Variants in MKLN1 observed in about 807,000 individuals in gnomAD.
The protein encoded by MKLN1 is muskelin 1, also known as muskelin.
In MKLN1, 18 loss-of-function variants were observed where a neutral mutation model predicts 99.0. The observed-to-expected ratio is 0.18, with a 90% confidence interval of 0.13 to 0.27. The LOEUF is 0.27. MKLN1 is among the 10% of genes least tolerant of loss of function. The pLI is 1.00. For synonymous variants in MKLN1, 288 were observed against 293.2 expected, an observed-to-expected ratio of 0.98 and a Z score of 0.18; for missense variants, 621 against 875.9, an observed-to-expected ratio of 0.71 and a Z score of 3.67.
At chr7:131,316,639 T>C (rs748310311) in intron 3 of MKLN1, among the ~76,000 whole-genome samples, 7 of 152,054 alleles carry the variant, frequency 4.6e-5, no homozygotes, top group Non-Finnish European at 8.8e-5. Flanking sequence ...CTTCAGAAGG[T>C]AGGTAATAAC....
chr7:131,295,370 A>T (rs574157160), intron 3 of MKLN1, among the ~76,000 whole-genome samples: 1 of 152,302 alleles, frequency 6.6e-6, no homozygotes, highest in African/African-American at 2.4e-5. Context: ...TGATAAACAC[A>T]TTGTGTAAAA....
At chr7:131,426,404 G>C (rs1795358897) in intron 8 of MKLN1, among the ~76,000 whole-genome samples, 1 of 151,992 alleles carries the variant, frequency 6.6e-6, no homozygotes, top group African/African-American at 2.4e-5. Context: ...TTTATAGTGA[G>C]GACTTGGCAA....
chr7:131,435,608 A>G (rs901550413), intron 9 of MKLN1, among the ~76,000 whole-genome samples: 6 of 151,928 alleles, frequency 3.9e-5, no homozygotes, highest in African/African-American at 1.2e-4. Flanking sequence ...TTCCTCTTTC[A>G]TCTCATGTCA....
rs1324303169 is a variant in MKLN1, at chr7:131,192,391, TATAA to T, written c.-296-10462_-296-10459del. On this transcript the variant is annotated intron_variant, in intron 2 of 7. Coordinates refer to the MKLN1 transcript ENST00000416992. Reference sequence around the variant, plus strand: ...TATATAAAATATAATATATACAATATATAAATATATAAAATATATAATATATACA... The same window carrying T: ...TATATAAAATATAATATATACAATATATATATAAAATATATAATATATACA... 1.1e-3 allele frequency among the ~76,000 whole-genome samples: 120 copies of T among 109,996 alleles called. 3 individuals are homozygous for T. Among genetic ancestry groups the T allele is most frequent in the Non-Finnish European group, 7.6e-4 (42 of 55,460 alleles). The allele number at this position is 109,996 out of a possible 152,430, so 72.2% of individuals were successfully genotyped here. A position where few individuals can be genotyped will look rare whatever the true frequency, so the allele number is the denominator to read the frequency against.
chr7:131,345,456 C>T (rs1183206208), intron 1 of MKLN1, among the ~76,000 whole-genome samples: 1 of 152,136 alleles, frequency 6.6e-6, no homozygotes, highest in African/African-American at 2.4e-5. Context: ...ACAGAAATTC[C>T]TTCAGCTCCC....
At chr7:131,192,012 G>A (rs868704130) in intron 2 of MKLN1, among the ~76,000 whole-genome samples, 5 of 142,886 alleles carry the variant, frequency 3.5e-5, no homozygotes, top group East Asian at 3.9e-4. Context: ...GAGCCACCGC[G>A]CCCAGCCTGC....
At chr7:131,130,207 A>G (rs985539721) in intron 1 of MKLN1, among the ~76,000 whole-genome samples, 1 of 152,254 alleles carries the variant, frequency 6.6e-6, no homozygotes, top group African/African-American at 2.4e-5. Context: ...ACTTCCAGGT[A>G]TGATTATAGA....
Position 131,223,520 on chromosome 7 carries a change from C to T in MKLN1, c.-179+20546C>T, listed in dbSNP as rs568173926. Among the ~76,000 whole-genome samples, 618 of 152,240 alleles carry T rather than the reference C, an allele frequency of 4.1e-3. 1 individual carries two copies. The highest frequency in any genetic ancestry group is 6.9e-3 in the Non-Finnish European group (472 of 68,014). On this transcript the variant is annotated intron_variant, in intron 3 of 7. Transcript: ENST00000416992. ...CCTACACTAACCCTGACTTGTGTTG[C>T]GGGACCAGGCCTCATTGCTACACAG... is the stretch of plus-strand genomic sequence containing the variant.
At chr7:131,176,815 A>G (rs1357094490) in intron 2 of MKLN1, among the ~76,000 whole-genome samples, 1 of 152,238 alleles carries the variant, frequency 6.6e-6, no homozygotes, top group Non-Finnish European at 1.5e-5. Flanking sequence ...GTTGAGGCCC[A>G]TTCGAGAAAA....
chr7:131,389,246 C>T (rs1422729877), intron 4 of MKLN1, among the ~76,000 whole-genome samples: 3 of 152,062 alleles, frequency 2.0e-5, no homozygotes, highest in African/African-American at 7.2e-5. Flanking sequence ...AAATTCATTA[C>T]TAAGTGGCAG....
At chr7:131,471,250 T>C in intron 16 of MKLN1, 1 of 214,200 alleles carries the variant, frequency 4.7e-6, no homozygotes, top group Non-Finnish European at 9.1e-6. Flanking sequence ...GTCCCATGAT[T>C]ATTTTACTTA....
intron 3 of MKLN1, among the ~76,000 whole-genome samples, chr7:131,241,205 C>T (rs1324281199): frequency 6.6e-6 from 1 of 151,546 alleles, no homozygotes; most frequent in Non-Finnish European, 1.5e-5. Context: ...TGGTGAAACC[C>T]TGTCTCTACT....
chr7:131,236,361 C>T (rs375245178), intron 3 of MKLN1, among the ~76,000 whole-genome samples: 24 of 152,090 alleles, frequency 1.6e-4, no homozygotes, highest in East Asian at 7.7e-4. Flanking sequence ...TCACTATCCC[C>T]GCTAAAAAAG....
chr7:131,155,678 G>A (rs919382360), intron 2 of MKLN1, among the ~76,000 whole-genome samples: 32 of 152,096 alleles, frequency 2.1e-4, no homozygotes, highest in Admixed American at 2.1e-3. Flanking sequence ...ATCATAGACT[G>A]TTACAGCTAG....
intron 3 of MKLN1, among the ~76,000 whole-genome samples, chr7:131,253,549 C>A (rs975293075): frequency 9.9e-5 from 15 of 152,096 alleles, no homozygotes; most frequent in Admixed American, 1.3e-4. Context: ...AGAGGTTCCA[C>A]AAAGGGAGAT....
At chr7:131,140,674 C>T (rs566245234) in intron 1 of MKLN1, among the ~76,000 whole-genome samples, 5 of 152,264 alleles carry the variant, frequency 3.3e-5, no homozygotes, top group African/African-American at 4.8e-5. Flanking sequence ...GCTTCTTATA[C>T]GGCCTGCAGA....
chr7:131,419,820 G>A (rs1563339181), intron 8 of MKLN1, among the ~76,000 whole-genome samples: 1 of 152,146 alleles, frequency 6.6e-6, no homozygotes, highest in Non-Finnish European at 1.5e-5. Flanking sequence ...ATAGCTGGGG[G>A]CACAAACTGT....
chr7:131,116,304 T>C (rs1795277532), intron 1 of MKLN1, among the ~76,000 whole-genome samples: 1 of 152,024 alleles, frequency 6.6e-6, no homozygotes, highest in African/African-American at 2.4e-5. Context: ...CTAGTGGTGA[T>C]GATTACTAGG....
intron 17 of MKLN1, among the ~76,000 whole-genome samples, chr7:131,486,339 T>A (rs1797277339): frequency 6.6e-6 from 1 of 152,122 alleles, no homozygotes; most frequent in Admixed American, 6.5e-5. Context: ...GGAGTATTTC[T>A]TTCCATTCAT....
Sources: gnomAD v4.1 joint callset for allele counts (sites outside exome capture counted in the v4.1 genomes callset) on GRCh38, gnomAD v4.1.1 for gene constraint, MANE v1.5 for transcripts, NCBI Gene and HGNC (gene_info 2026-07-23, HGNC 2026-07-21) for gene names.